The following OPHN1 variants were observed in gnomAD, a reference collection of about 807,000 sequenced individuals.
The protein encoded by OPHN1 is oligophrenin 1.
In OPHN1, 11 loss-of-function variants were observed where a neutral mutation model predicts 60.7. The observed-to-expected ratio is 0.18, with a 90% CI of 0.11 to 0.30. The LOEUF (loss-of-function observed/expected upper bound fraction) is 0.30, where lower values mean the gene tolerates loss of function less well. Among genes scored for constraint, OPHN1 ranks in the 10% least tolerant of loss-of-function variants. The pLI is 1.00. For missense variants in OPHN1, 449 were observed against 611.0 expected (o/e 0.73, Z 2.80); for synonymous variants, 226 against 222.6 (o/e 1.02, Z -0.14).
intron 15 of OPHN1, among the ~76,000 whole-genome samples, chrX:68,184,319 C>T (rs932587784): frequency 9.0e-6 from 1 of 110,983 alleles, no homozygotes; most frequent in East Asian, 2.9e-4. Flanking sequence ...GTCAAGAGTT[C>T]GAGACCAGCC....
Position 68,196,625 on chromosome X carries a change from A to C in OPHN1, c.1104+561T>G, listed in dbSNP as rs772233435. Among the ~76,000 whole-genome samples the C allele has an allele frequency of 5.4e-5, 6 of 111,697 alleles. No individual in the cohort carries two copies. The East Asian group carries it at 1.7e-3, about 32-fold the overall frequency. On this transcript the variant is annotated intron_variant, in intron 12 of 24. Coordinates refer to ENST00000355520, the MANE Select transcript of OPHN1 (RefSeq NM_002547.3). ...TGATAATCAGTAACCCTTTCAAGGG[A>C]TTGCTTGTCCTCCTGCATAACCGTG...
At chrX:68,258,654 C>T (rs1432595538) in intron 5 of OPHN1, among the ~76,000 whole-genome samples, 1 of 109,676 alleles carries the variant, frequency 9.1e-6, no homozygotes, top group Non-Finnish European at 1.9e-5. Context: ...ATTTTTCAGA[C>T]ATAGATTACC....
chrX:68,208,908 T>C (rs991361515), intron 9 of OPHN1, among the ~76,000 whole-genome samples: 5 of 112,223 alleles, frequency 4.5e-5, no homozygotes, highest in African/African-American at 1.6e-4. Flanking sequence ...GCCTGAAATG[T>C]CAACAGCACT....
At chrX:68,149,660 A>T (rs1363897405) in intron 15 of OPHN1, among the ~76,000 whole-genome samples, 1 of 111,404 alleles carries the variant, frequency 9.0e-6, no homozygotes, top group African/African-American at 3.3e-5. Context: ...GCTGGTGAGG[A>T]TATGGAAAAA....
At chrX:68,194,668 G>A (rs1206134591) in intron 12 of OPHN1, among the ~76,000 whole-genome samples, 170 bp from the exon 13 acceptor site, 2 of 111,719 alleles carry the variant, frequency 1.8e-5, no homozygotes, top group Middle Eastern at 4.6e-3. Context: ...TGCCAAGATT[G>A]CTAGAAAATA....
intron 2 of OPHN1, among the ~76,000 whole-genome samples, chrX:68,422,036 T>C (rs966375649): frequency 9.0e-6 from 1 of 111,071 alleles, no homozygotes; most frequent in African/African-American, 3.3e-5. Context: ...GCCATTATTC[T>C]ATGACAAAGG....
intron 4 of OPHN1, among the ~76,000 whole-genome samples, chrX:68,276,220 C>A (rs1029860718): frequency 9.0e-6 from 1 of 111,054 alleles, no homozygotes; most frequent in African/African-American, 3.3e-5. Flanking sequence ...ATTTCCAGAC[C>A]CTGTCTGATT....
At chrX:68,268,772 A>G (rs1434780014) in intron 5 of OPHN1, among the ~76,000 whole-genome samples, 1 of 111,571 alleles carries the variant, frequency 9.0e-6, no homozygotes, top group East Asian at 2.8e-4. Context: ...AATAAAGGGT[A>G]TTCAATTAGG....
intron 2 of OPHN1, among the ~76,000 whole-genome samples, chrX:68,426,336 G>A (rs1240921621): frequency 1.9e-5 from 2 of 107,191 alleles, no homozygotes; most frequent in Non-Finnish European, 3.9e-5. Flanking sequence ...AGCTACTTGG[G>A]AGGCTGAGGC....
chrX:68,405,377 G>A (rs2078737277), intron 2 of OPHN1, among the ~76,000 whole-genome samples: 1 of 111,420 alleles, frequency 9.0e-6, no homozygotes, highest in Non-Finnish European at 1.9e-5. Context: ...ATTTTTTAGA[G>A]CGGAGGTCTC....
chrX:68,387,367 T>G (rs2078630238), intron 2 of OPHN1, among the ~76,000 whole-genome samples: 1 of 111,132 alleles, frequency 9.0e-6, no homozygotes, highest in African/African-American at 3.3e-5. Flanking sequence ...CAGATTAATG[T>G]AATAGCCTCC....
chrX:68,259,004 C>A (rs1376075444), intron 5 of OPHN1, among the ~76,000 whole-genome samples: 2 of 112,053 alleles, frequency 1.8e-5, no homozygotes, highest in Non-Finnish European at 3.8e-5. Context: ...TTTGGCAACA[C>A]ATCTAGTAAA....
At chrX:68,148,434 C>T (rs1375296217) in intron 15 of OPHN1, among the ~76,000 whole-genome samples, 1 of 110,171 alleles carries the variant, frequency 9.1e-6, no homozygotes, top group African/African-American at 3.3e-5. Context: ...GAACACTAAA[C>T]TTCACCTTCT....
At chrX:68,414,944 C>T (rs1465969273) in intron 2 of OPHN1, among the ~76,000 whole-genome samples, 2 of 112,319 alleles carry the variant, frequency 1.8e-5, no homozygotes, top group Non-Finnish European at 3.8e-5. Flanking sequence ...AAGAAGAAGA[C>T]TTAATTAAAG....
At chrX:68,111,502 T>C (rs1200022575) in intron 18 of OPHN1, among the ~76,000 whole-genome samples, 2 of 112,448 alleles carry the variant, frequency 1.8e-5, no homozygotes, top group African/African-American at 6.5e-5. Flanking sequence ...CTGGCCTTCA[T>C]TGTAGGGATT....
chrX:68,268,778 T>G (rs2077948462), intron 5 of OPHN1, among the ~76,000 whole-genome samples: 1 of 111,237 alleles, frequency 9.0e-6, no homozygotes, highest in Non-Finnish European at 1.9e-5. Context: ...GGGTATTCAA[T>G]TAGGAAAAGA....
intron 3 of OPHN1, among the ~76,000 whole-genome samples, chrX:68,284,452 G>A (rs1389162725): frequency 9.0e-6 from 1 of 110,637 alleles, no homozygotes; most frequent in Non-Finnish European, 1.9e-5. Flanking sequence ...AGATGCTGAT[G>A]CCATGCTTCC....
chrX:68,271,953 C>T (rs1602288586), intron 5 of OPHN1, among the ~76,000 whole-genome samples: 1 of 105,030 alleles, frequency 9.5e-6, no homozygotes, highest in East Asian at 3.0e-4. Context: ...ATCAAGCTGT[C>T]CTCCCCACCC....
At chrX:68,383,182 T>C (rs2078606439) in intron 2 of OPHN1, among the ~76,000 whole-genome samples, 1 of 110,501 alleles carries the variant, frequency 9.0e-6, no homozygotes, top group African/African-American at 3.3e-5. Flanking sequence ...AAAAAAATGC[T>C]ATTGAATAGG....
Sources: allele counts gnomAD v4.1 joint callset (sites outside exome capture counted in the v4.1 genomes callset), GRCh38; gene constraint gnomAD v4.1.1; transcripts MANE v1.5; gene names NCBI Gene and HGNC (gene_info 2026-07-23, HGNC 2026-07-21).